The following OPCML variants were observed in gnomAD, a reference collection of about 807,000 sequenced individuals.
The protein encoded by OPCML is opioid-binding protein/cell adhesion molecule.
In OPCML, 13 loss-of-function variants were observed where a neutral mutation model predicts 37.8. That is an observed-to-expected ratio of 0.34 (90% confidence interval 0.22 to 0.55). The LOEUF (loss-of-function observed/expected upper bound fraction) is 0.55, where lower values mean the gene tolerates loss of function less well. OPCML is among the 20% of genes least tolerant of loss of function. OPCML has a pLI of 0.91. For missense variants in OPCML, 341 were observed against 435.6 expected (o/e 0.78, Z 1.93); for synonymous variants, 176 against 168.8 (o/e 1.04, Z -0.33).
At chr11:132,661,018 G>A (rs1306873802) in intron 2 of OPCML, among the ~76,000 whole-genome samples, 1 of 152,130 alleles carries the variant, frequency 6.6e-6, no homozygotes, top group Non-Finnish European at 1.5e-5. Flanking sequence ...AGGGTGCATA[G>A]AACCAGTGCA....
intron 1 of OPCML, among the ~76,000 whole-genome samples, chr11:132,977,681 A>G (rs969350666): frequency 1.3e-5 from 2 of 152,212 alleles, no homozygotes; most frequent in Admixed American, 6.5e-5. Flanking sequence ...AGACAGAATT[A>G]TATAGAGTGC....
rs187805170 is a variant in OPCML at position 132,797,774 on chromosome 11, A to T, written c.147-140455T>A. Among the ~76,000 whole-genome samples the T allele has an allele frequency of 1.3e-4, 20 of 152,364 alleles. No homozygotes were observed. The East Asian group carries it at 3.7e-3, about 28-fold the overall frequency. On this transcript the variant is annotated intron_variant, in intron 2 of 7. Coordinates refer to ENST00000524381, the MANE Select transcript of OPCML (RefSeq NM_001012393.5). Reference sequence around the variant, plus strand: ...AATAAAAATATTCTATTGTTAAAAAATACTAACAATCATCCAAGCTTTCAG... The same window carrying T: ...AATAAAAATATTCTATTGTTAAAAATTACTAACAATCATCCAAGCTTTCAG...
intron 2 of OPCML, among the ~76,000 whole-genome samples, chr11:132,868,961 G>A (rs567245658): frequency 1.4e-4 from 21 of 152,304 alleles, no homozygotes; most frequent in South Asian, 4.1e-4. Flanking sequence ...CAGAGGATGC[G>A]CCCCTGGAGA....
At chr11:132,745,855 C>T (rs938017352) in intron 2 of OPCML, among the ~76,000 whole-genome samples, 1 of 152,140 alleles carries the variant, frequency 6.6e-6, no homozygotes, top group African/African-American at 2.4e-5. Context: ...AGAGCAGAAA[C>T]ATAGCAATAG....
intron 1 of OPCML, among the ~76,000 whole-genome samples, chr11:133,354,150 T>G (rs556573551): frequency 0.039 from 26 of 670 alleles, no homozygotes; most frequent in African/African-American, 0.14. Flanking sequence ...ATAAAAAACC[T>G]AAGTAGCTAT....
intron 1 of OPCML, among the ~76,000 whole-genome samples, chr11:133,395,356 G>C (rs965271871): frequency 2.0e-5 from 3 of 152,008 alleles, no homozygotes; most frequent in Non-Finnish European, 2.9e-5. Flanking sequence ...TTGTTTTGCT[G>C]TTGCTGTTGT....
chr11:133,002,786 G>C (rs1173931926), intron 1 of OPCML, among the ~76,000 whole-genome samples: 1 of 142,068 alleles, frequency 7.0e-6, no homozygotes, highest in East Asian at 2.1e-4. Flanking sequence ...AGAGGGGGGG[G>C]TGGGAAGAGA....
chr11:133,105,756 G>A (rs930584840), intron 1 of OPCML, among the ~76,000 whole-genome samples: 1 of 152,184 alleles, frequency 6.6e-6, no homozygotes, highest in African/African-American at 2.4e-5. Context: ...CAAGGCAGGT[G>A]GATCATCTGA....
intron 1 of OPCML, among the ~76,000 whole-genome samples, chr11:133,384,220 CA>C (rs1424814450): frequency 2.4e-5 from 3 of 124,936 alleles, no homozygotes; most frequent in Non-Finnish European, 4.7e-5. Context: ...CAGATTAATG[CA>C]GCTGCCAAAG....
intron 4 of OPCML, among the ~76,000 whole-genome samples, chr11:132,470,414 C>T (rs2096134324): frequency 6.6e-6 from 1 of 152,110 alleles, no homozygotes; most frequent in South Asian, 2.1e-4. Context: ...CCGTGTCAGT[C>T]ACTGAGACTG....
chr11:132,581,769 C>G (rs1309079997), intron 3 of OPCML, among the ~76,000 whole-genome samples: 1 of 152,074 alleles, frequency 6.6e-6, no homozygotes, highest in Non-Finnish European at 1.5e-5. Context: ...CTGGGAGAAA[C>G]TGGGCTGCTT....
intron 1 of OPCML, among the ~76,000 whole-genome samples, chr11:133,253,903 CCCTCCCTTCCTTCTTTCCTTCCTTTCTT>C (rs1273165966): frequency 7.0e-6 from 1 of 142,236 alleles, no homozygotes; most frequent in African/African-American, 2.7e-5. Flanking sequence ...CTCCCTCACT[CCCTCCCTTCCTTCTTTCCTTCCTTTCTT>C]CCTTCCTTCT....
Position 132,597,416 on chromosome 11 carries a change from C to T in OPCML, c.379+59671G>A, listed in dbSNP as rs202000544. On this transcript the variant is annotated intron_variant, in intron 3 of 7. Coordinates refer to ENST00000524381, the MANE Select transcript of OPCML (RefSeq NM_001012393.5). ...CATATGGCTGGCATATATCTGCTTG[C>T]CCCGTGATGATTCTGACGATCTTAC... 4.6e-5 allele frequency among the ~76,000 whole-genome samples: 7 copies of T among 152,148 alleles called. No individual in the cohort carries two copies. In the East Asian group the frequency reaches 9.6e-4, roughly 21 times the overall value.
chr11:132,697,432 G>A (rs534806341), intron 2 of OPCML, among the ~76,000 whole-genome samples: 4 of 152,062 alleles, frequency 2.6e-5, no homozygotes, highest in Admixed American at 6.5e-5. Context: ...ACATCTCCCT[G>A]CTTCCCTCCT....
At chr11:132,884,526 A>T (rs1264381144) in intron 2 of OPCML, among the ~76,000 whole-genome samples, 2 of 152,250 alleles carry the variant, frequency 1.3e-5, no homozygotes, top group African/African-American at 4.8e-5. Flanking sequence ...AACAGGACTC[A>T]TGAGGAGACA....
intron 1 of OPCML, among the ~76,000 whole-genome samples, chr11:133,158,712 A>AAAAATAAAAT (rs560451941): frequency 0.024 from 3,165 of 134,180 alleles, 118 homozygotes; most frequent in Admixed American, 0.094. Flanking sequence ...ATAAAATTAA[A>AAAAATAAAAT]AAAATAAAAT....
chr11:132,471,638 A>C (rs909746064), intron 4 of OPCML, among the ~76,000 whole-genome samples: 1 of 152,202 alleles, frequency 6.6e-6, no homozygotes, highest in Non-Finnish European at 1.5e-5. Flanking sequence ...AAAGACCAAG[A>C]CAGAAGCTGC....
chr11:132,611,749 G>A (rs1162678937), intron 3 of OPCML, among the ~76,000 whole-genome samples: 2 of 152,130 alleles, frequency 1.3e-5, no homozygotes, highest in Middle Eastern at 3.2e-3. Flanking sequence ...GAAACCAGGG[G>A]CTCGACAAAT....
intron 2 of OPCML, among the ~76,000 whole-genome samples, chr11:132,924,919 G>A (rs943334518): frequency 5.3e-5 from 8 of 152,130 alleles, no homozygotes; most frequent in African/African-American, 1.7e-4. Context: ...TGCATCTTCT[G>A]TTATGATCCC....
Sources: gnomAD v4.1 joint callset for allele counts (sites outside exome capture counted in the v4.1 genomes callset) on GRCh38, gnomAD v4.1.1 for gene constraint, MANE v1.5 for transcripts, NCBI Gene and HGNC (gene_info 2026-07-23, HGNC 2026-07-21) for gene names.